The following SEPTIN7 variants were observed in gnomAD, a reference collection of about 807,000 sequenced individuals.
SEPTIN7 encodes the protein septin-7.
In SEPTIN7, 10 loss-of-function variants were observed where a neutral mutation model predicts 63.3. That is an observed-to-expected ratio of 0.16 (90% confidence interval 0.10 to 0.27). SEPTIN7 has a LOEUF of 0.27. SEPTIN7 is among the 10% of genes least tolerant of loss of function. The probability of loss-of-function intolerance (pLI) is 1.00; values close to 1 mark genes in which losing one functional copy is unlikely to be tolerated. For missense variants in SEPTIN7, 310 were observed against 521.0 expected, an observed-to-expected ratio of 0.59 and a Z score of 3.94; for synonymous variants, 131 against 165.3, an observed-to-expected ratio of 0.79 and a Z score of 1.59.
At chr7:35,895,332 AT>A (rs1472577541) in intron 11 of SEPTIN7, among the ~76,000 whole-genome samples, 1 of 152,204 alleles carries the variant, frequency 6.6e-6, no homozygotes, top group Non-Finnish European at 1.5e-5. Context: ...AAAATTAAAA[AT>A]TTGAAAGATC....
chr7:35,836,662 T>G (rs1445298827), intron 3 of SEPTIN7, among the ~76,000 whole-genome samples: 2 of 152,262 alleles, frequency 1.3e-5, no homozygotes, highest in East Asian at 3.9e-4. Flanking sequence ...GTTTAGGAGT[T>G]ACTTAGTTAG....
At chr7:35,887,994 A>T (rs955563522) in intron 10 of SEPTIN7, among the ~76,000 whole-genome samples, 1 of 152,230 alleles carries the variant, frequency 6.6e-6, no homozygotes, top group African/African-American at 2.4e-5. Flanking sequence ...GCAAGTTCAA[A>T]GAAGTTCTCT....
At chr7:35,821,117 G>C in intron 1 of SEPTIN7, among the ~76,000 whole-genome samples, 1 of 152,158 alleles carries the variant, frequency 6.6e-6, no homozygotes. Flanking sequence ...ATTGTGTGCT[G>C]ATGGTTTTCA....
chr7:35,883,208 C>T (rs1180886942), intron 8 of SEPTIN7, among the ~76,000 whole-genome samples: 1 of 151,968 alleles, frequency 6.6e-6, no homozygotes, highest in African/African-American at 2.4e-5. Flanking sequence ...AAAAACCAAC[C>T]AAAAATTCAC....
intron 3 of SEPTIN7, among the ~76,000 whole-genome samples, chr7:35,862,521 G>A (rs759869764): frequency 1.3e-5 from 2 of 152,092 alleles, no homozygotes; most frequent in African/African-American, 4.8e-5. Context: ...AGAAAGAATC[G>A]AGTGTGGCCA....
intron 3 of SEPTIN7, among the ~76,000 whole-genome samples, chr7:35,849,336 G>A (rs1166932192): frequency 3.3e-5 from 5 of 152,040 alleles, no homozygotes; most frequent in Non-Finnish European, 5.9e-5. Flanking sequence ...GGATGGTTTC[G>A]GGATGAAACT....
intron 3 of SEPTIN7, among the ~76,000 whole-genome samples, chr7:35,854,763 C>T (rs1785120356): frequency 2.6e-5 from 4 of 152,050 alleles, no homozygotes; most frequent in Admixed American, 2.0e-4. Context: ...AACATATTAT[C>T]AACCCCTTTA....
downstream of SEPTIN7, among the ~76,000 whole-genome samples, chr7:35,911,443 C>A (rs1788738288): frequency 1.8e-4 from 1 of 5,554 alleles, no homozygotes; most frequent in Non-Finnish European, 7.8e-3. Context: ...TGGACCTGGC[C>A]AGAAAAAAAT....
chr7:35,805,352 G>A (rs1279936692), intron 1 of SEPTIN7, among the ~76,000 whole-genome samples: 1 of 151,968 alleles, frequency 6.6e-6, no homozygotes, highest in African/African-American at 2.4e-5. Context: ...TGACTATACT[G>A]CAAATAAAAA....
chr7:35,880,400 T>C (rs1786805249), intron 7 of SEPTIN7, among the ~76,000 whole-genome samples: 1 of 151,868 alleles, frequency 6.6e-6, no homozygotes, highest in South Asian at 2.1e-4. Flanking sequence ...TTTGCCAGCA[T>C]TGTTATTTTT....
At chr7:35,820,114 C>T (rs2115785173) in intron 1 of SEPTIN7, among the ~76,000 whole-genome samples, 1 of 152,132 alleles carries the variant, frequency 6.6e-6, no homozygotes, top group African/African-American at 2.4e-5. Flanking sequence ...TTCGGGCCTC[C>T]ATGGTTTCTG....
At chr7:35,804,929 C>T (rs1194087462) in intron 1 of SEPTIN7, among the ~76,000 whole-genome samples, 7 of 151,070 alleles carry the variant, frequency 4.6e-5, no homozygotes, top group Admixed American at 3.3e-4. Flanking sequence ...CTCTGTCTGC[C>T]TCCTGGGTTC....
At chr7:35,840,215 TC>T (rs1287816513) in intron 3 of SEPTIN7, among the ~76,000 whole-genome samples, 1 of 57,970 alleles carries the variant, frequency 1.7e-5, no homozygotes, top group Non-Finnish European at 3.2e-5. Context: ...CCCTTTCCCC[TC>T]CCCCCTTCCC....
chr7:35,854,765 A>G (rs1156425306), intron 3 of SEPTIN7, among the ~76,000 whole-genome samples: 4 of 151,884 alleles, frequency 2.6e-5, no homozygotes, highest in Non-Finnish European at 5.9e-5. Flanking sequence ...CATATTATCA[A>G]CCCCTTTAAA....
intron 13 of SEPTIN7, 74 bp downstream of exon 13, chr7:35,903,289 A>G (rs1788430412): frequency 2.8e-6 from 4 of 1,446,086 alleles, no homozygotes; most frequent in Admixed American, 3.0e-5. Flanking sequence ...TATTTAAAAA[A>G]CATTAGAATA....
chr7:35,890,650 G>T lies in SEPTIN7; in HGVS notation c.873-18G>T, dbSNP rs28522781. ...TAGCTATTAATAGAAGCAAACTCTTGCTGTTTGTTTATGACAGAACACACA... is the reference window on the plus strand; with the variant it reads ...TAGCTATTAATAGAAGCAAACTCTTTCTGTTTGTTTATGACAGAACACACA... On this transcript the variant is annotated intron_variant, in intron 10 of 13. Transcript: ENST00000350320. 461,013 of 1,442,010 alleles carry T rather than the reference G, an allele frequency of 0.32. 75,411 individuals are homozygous for T. The highest frequency in any genetic ancestry group is 0.43 in the East Asian group (16,399 of 38,486). The allele number at this position is 1,442,010 out of a possible 1,614,324, so 89.3% of individuals were successfully genotyped here.
chr7:35,868,395 A>G (rs1785945304), intron 4 of SEPTIN7, among the ~76,000 whole-genome samples: 1 of 152,180 alleles, frequency 6.6e-6, no homozygotes, highest in Non-Finnish European at 1.5e-5. Context: ...GTCTTAAACT[A>G]AGTTTTGGGG....
At chr7:35,845,442 C>T (rs1173058429) in intron 3 of SEPTIN7, among the ~76,000 whole-genome samples, 5 of 152,110 alleles carry the variant, frequency 3.3e-5, no homozygotes, top group Non-Finnish European at 7.4e-5. Flanking sequence ...TTTGGTTGAA[C>T]TCTTTTGATT....
chr7:35,872,804 T>TG (rs774587741), intron 5 of SEPTIN7, 38 bp downstream of exon 5: 2 of 1,322,130 alleles, frequency 1.5e-6, no homozygotes, highest in Non-Finnish European at 2.2e-6. Context: ...GCAGTGCATT[T>TG]GGGGTACTGG....
Sources: gnomAD v4.1 joint callset for allele counts (sites outside exome capture counted in the v4.1 genomes callset) on GRCh38, gnomAD v4.1.1 for gene constraint, MANE v1.5 for transcripts, NCBI Gene and HGNC (gene_info 2026-07-23, HGNC 2026-07-21) for gene names.